The following PCDHGA7 variants were observed in gnomAD, a reference collection of about 807,000 sequenced individuals.
The protein encoded by PCDHGA7 is protocadherin gamma subfamily A, 7.
Under a neutral mutation model 58.3 loss-of-function variants are expected in PCDHGA7, and 44 were observed. The observed-to-expected ratio is 0.75, with a 90% confidence interval of 0.59 to 0.97. PCDHGA7 has a LOEUF of 0.97. Ranked by LOEUF, PCDHGA7 falls within the 50% of genes least tolerant of loss-of-function variation. The probability of loss-of-function intolerance (pLI) is 0.00; values close to 1 mark genes in which losing one functional copy is unlikely to be tolerated. For synonymous variants in PCDHGA7, 516 were observed against 504.2 expected, an observed-to-expected ratio of 1.02 and a Z score of -0.31; for missense variants, 1,266 against 1,188.7, an observed-to-expected ratio of 1.06 and a Z score of -0.96.
intron 1 of PCDHGA7, among the ~76,000 whole-genome samples, chr5:141,445,582 T>C (rs886701142): frequency 6.6e-6 from 1 of 152,214 alleles, no homozygotes; most frequent in Non-Finnish European, 1.5e-5. Context: ...TAGGGAAGCT[T>C]CGCCTAATCT....
At chr5:141,500,568 T>C (rs1562196424) in intron 2 of PCDHGA7, among the ~76,000 whole-genome samples, 2 of 152,190 alleles carry the variant, frequency 1.3e-5, no homozygotes, top group Admixed American at 6.5e-5. Context: ...CTTGTCACAC[T>C]TTCATGTGAC....
chr5:141,415,536 G>A (rs1561758201), intron 1 of PCDHGA7: 1 of 1,614,150 alleles, frequency 6.2e-7, no homozygotes, highest in Non-Finnish European at 8.5e-7. Flanking sequence ...TCAGCCAGGA[G>A]AGCTGTGAGA....
intron 1 of PCDHGA7, chr5:141,418,921 T>A (rs897705216): frequency 1.9e-6 from 3 of 1,613,928 alleles, no homozygotes; most frequent in Admixed American, 3.3e-5. Context: ...CACTCTCTGA[T>A]CAGATTATGG....
At chr5:141,394,611 C>A (rs774009952) in intron 1 of PCDHGA7, 1 of 1,613,420 alleles carries the variant, frequency 6.2e-7, no homozygotes, top group Non-Finnish European at 8.5e-7. Flanking sequence ...AGACTCGGGC[C>A]AGAACGCCTG....
Position 141,491,910 on chromosome 5 carries a change from G to A in PCDHGA7, c.2425-2897G>A, listed in dbSNP as rs946745903. 1.4e-5 allele frequency: 19 copies of A among 1,406,944 alleles called. No individual in the cohort carries two copies. The South Asian group carries it at 2.6e-4, about 19-fold the overall frequency. 87.2% of individuals were successfully genotyped at this position (1,406,944 alleles called of 1,614,324 possible). On this transcript the variant is annotated intron_variant, in intron 1 of 3. Transcript: ENST00000518325. This position sits in a 1 kb window ranked among gnomAD's most constrained non-coding sequence, Gnocchi z 6.9. ...GGCTCCGAGCACCGGGGGTGGTGGCGACTGTGGGCGAGGGGAGGTGGGACC... is the reference window on the plus strand; with the variant it reads ...GGCTCCGAGCACCGGGGGTGGTGGCAACTGTGGGCGAGGGGAGGTGGGACC...
chr5:141,383,541 C>T lies in PCDHGA7; in HGVS notation c.642C>T (p.Ala214=), dbSNP rs1197504109. 4 of 1,612,656 alleles carry T rather than the reference C, an allele frequency of 2.5e-6. No individual in the cohort carries two copies. In the East Asian group the frequency reaches 6.7e-5, roughly 27 times the overall value. The part of the protein sequence containing the change: ...EERVHHLVLT[A]SDGGDPPRSS... ...GGGTTCACCACCTGGTCCTCACAGC[C>T]TCTGATGGCGGCGACCCGCCCCGAT... Residue 214 remains alanine (A), a synonymous_variant, in exon 1 of 4, where the codon GCC becomes GCT. Coordinates refer to ENST00000518325, the MANE Select transcript of PCDHGA7 (RefSeq NM_018920.4).
intron 1 of PCDHGA7, chr5:141,424,561 T>C (rs972361161): frequency 7.9e-5 from 12 of 152,236 alleles, no homozygotes; most frequent in African/African-American, 2.9e-4. Flanking sequence ...TCAGTGCTTC[T>C]CAAAAACCTA....
chr5:141,402,949 A>C, intron 1 of PCDHGA7: 2 of 1,594,986 alleles, frequency 1.3e-6, no homozygotes, highest in South Asian at 1.1e-5. Flanking sequence ...AAAGCGAGGC[A>C]GCAATGGCAG....
At chr5:141,427,824 G>A (rs1298494092) in intron 1 of PCDHGA7, 5 of 1,535,458 alleles carry the variant, frequency 3.3e-6, no homozygotes, top group African/African-American at 1.4e-5. Flanking sequence ...GGTGGTGGTC[G>A]CGCAGCGTGC....
Position 141,491,324 on chromosome 5 carries a change from T to C in PCDHGA7, c.2425-3483T>C, listed in dbSNP as rs762200164. 16 of 1,614,060 alleles carry C rather than the reference T, an allele frequency of 9.9e-6. No homozygotes were observed. The highest frequency in any genetic ancestry group is 8.3e-5 in the Admixed American group (5 of 60,010). On this transcript the variant is annotated intron_variant, in intron 1 of 3. Transcript: ENST00000518325. This position sits in a 1 kb window ranked among gnomAD's most constrained non-coding sequence, Gnocchi z 6.9. ...CGTTCAGACCTTACCCTTTACCTCA[T>C]TGTGGCTCTAGCGACCGTCAGTCTC...
intron 1 of PCDHGA7, chr5:141,388,437 A>C: frequency 6.2e-7 from 1 of 1,613,892 alleles, no homozygotes; most frequent in Non-Finnish European, 8.5e-7. Context: ...AAATAAAGAG[A>C]AATCAGATGG....
rs2099425622 is a variant in PCDHGA7, at chr5:141,477,947, T to C, written c.2425-16860T>C. Reference sequence around the variant, plus strand: ...CAATGCCTGGCTCTCCTACAGTCTCTTGGGATCCCCTAACCAGAGCCTTTT... The same window carrying C: ...CAATGCCTGGCTCTCCTACAGTCTCCTGGGATCCCCTAACCAGAGCCTTTT... On this transcript the variant is annotated intron_variant, in intron 1 of 3. Coordinates refer to ENST00000518325, the MANE Select transcript of PCDHGA7 (RefSeq NM_018920.4). The surrounding 1 kb of genome is among the most constrained non-coding windows in gnomAD (Gnocchi z 4.9). 1.9e-6 allele frequency: 3 copies of C among 1,614,132 alleles called. No homozygotes were observed. Among genetic ancestry groups the C allele is most frequent in the Non-Finnish European group, 2.5e-6 (3 of 1,180,018 alleles).
chr5:141,404,271 T>A, intron 1 of PCDHGA7: 1 of 1,614,000 alleles, frequency 6.2e-7, no homozygotes, highest in Non-Finnish European at 8.5e-7. Flanking sequence ...CACATCACCC[T>A]GCAAGTGACT....
rs766784928 is a variant in PCDHGA7, at chr5:141,431,447, G to T, written c.2424+46124G>T. ...GCGCACAGGCACCGCGCGCATCCGC[G>T]TGATGGTTCTGGATGCGAACGACAA... On this transcript the variant is annotated intron_variant, in intron 1 of 3. Coordinates refer to ENST00000518325, the MANE Select transcript of PCDHGA7 (RefSeq NM_018920.4). The surrounding 1 kb of genome is among the most constrained non-coding windows in gnomAD (Gnocchi z 4.8). 2 of 1,613,792 alleles carry T rather than the reference G, an allele frequency of 1.2e-6. No individual in the cohort carries two copies. The highest frequency in any genetic ancestry group is 1.7e-6 in the Non-Finnish European group (2 of 1,180,014).
At chr5:141,437,741 CTT>C (rs35124340) in intron 1 of PCDHGA7, among the ~76,000 whole-genome samples, 17 of 141,612 alleles carry the variant, frequency 1.2e-4, no homozygotes, top group Admixed American at 2.1e-4. Flanking sequence ...TTGAGTTCAC[CTT>C]TTTTTTTTTT....
rs766516627 is a variant in PCDHGA7 at position 141,398,178 on chromosome 5, C to G, written c.2424+12855C>G. The G allele has an allele frequency of 8.2e-6, 12 of 1,472,146 alleles. No individual in the cohort carries two copies. The South Asian group carries it at 8.4e-5, about 10-fold the overall frequency. The allele number at this position is 1,472,146 out of a possible 1,614,324, so 91.2% of individuals were successfully genotyped here. A position where few individuals can be genotyped will look rare whatever the true frequency, so the allele number is the denominator to read the frequency against. ...GCCGGGCTGAGAGGCTGCCAGTGCT[C>G]TTTCTCTTCCTGCTGTCTTTGTTCT... On this transcript the variant is annotated intron_variant, in intron 1 of 3. Coordinates refer to ENST00000518325, the MANE Select transcript of PCDHGA7 (RefSeq NM_018920.4).
In PCDHGA7 at chr5:141,491,283, C is replaced by G; in HGVS notation, c.2425-3524C>G. ...AAATGCCCAAATCCAGTGACTTCCT[C>G]ATACACCCTCCTGAGCGTTCAGACC... On this transcript the variant is annotated intron_variant, in intron 1 of 3. Coordinates refer to ENST00000518325, the MANE Select transcript of PCDHGA7 (RefSeq NM_018920.4). The surrounding 1 kb of genome is among the most constrained non-coding windows in gnomAD (Gnocchi z 6.9). The G allele has an allele frequency of 1.2e-6, 2 of 1,614,164 alleles. No homozygotes were observed.
intron 1 of PCDHGA7, among the ~76,000 whole-genome samples, chr5:141,451,435 G>T (rs947210577): frequency 6.6e-6 from 1 of 152,234 alleles, no homozygotes; most frequent in Non-Finnish European, 1.5e-5. Flanking sequence ...AAGGGTTCCA[G>T]TTCCTTGCTG....
intron 1 of PCDHGA7, chr5:141,419,481 C>A (rs2096389716): frequency 2.5e-6 from 4 of 1,612,424 alleles, no homozygotes; most frequent in Non-Finnish European, 3.4e-6. Context: ...GGCTCGCCCG[C>A]GCTCAGCGCC....
Sources: allele counts gnomAD v4.1 joint callset (sites outside exome capture counted in the v4.1 genomes callset), GRCh38; gene constraint gnomAD v4.1.1; non-coding constraint Gnocchi (gnomAD v3.1); transcripts MANE v1.5; gene names NCBI Gene and HGNC (gene_info 2026-07-23, HGNC 2026-07-21).